The following PCSK5 variants were observed in gnomAD, a reference collection of about 807,000 sequenced individuals.
PCSK5 encodes prohormone convertase 5.
In PCSK5, 129 loss-of-function variants were observed where a neutral mutation model predicts 233.2. That is an observed-to-expected ratio of 0.55 (90% CI 0.48 to 0.64). The LOEUF (loss-of-function observed/expected upper bound fraction) is 0.64, where lower values mean the gene tolerates loss of function less well. Among genes scored for constraint, PCSK5 ranks in the 30% least tolerant of loss-of-function variants. The pLI is 0.00. For synonymous variants in PCSK5, 825 were observed against 879.2 expected (o/e 0.94, Z 1.09); for missense variants, 2,076 against 2,430.1 (o/e 0.85, Z 3.06).
At chr9:75,908,907 CTA>C (rs1446527147) in intron 1 of PCSK5, among the ~76,000 whole-genome samples, 38 of 131,420 alleles carry the variant, frequency 2.9e-4, no homozygotes, top group Non-Finnish European at 4.0e-4. Flanking sequence ...ATCTATCTAT[CTA>C]TCTATCTATC....
chr9:76,191,962 C>T (rs984116307), intron 20 of PCSK5, among the ~76,000 whole-genome samples: 2 of 150,262 alleles, frequency 1.3e-5, no homozygotes, highest in South Asian at 4.2e-4. Flanking sequence ...ACCTGTAATC[C>T]CAGCTACTTG....
intron 10 of PCSK5, among the ~76,000 whole-genome samples, chr9:76,155,246 CT>C (rs1437513682): frequency 6.6e-6 from 1 of 152,106 alleles, no homozygotes; most frequent in African/African-American, 2.4e-5. Flanking sequence ...GCTCAGTGAA[CT>C]TAATAATGTA....
intron 5 of PCSK5, among the ~76,000 whole-genome samples, chr9:76,046,723 G>A (rs936091882): frequency 6.0e-5 from 9 of 150,508 alleles, no homozygotes; most frequent in Non-Finnish European, 1.3e-4. Flanking sequence ...ACTACTCCCG[G>A]CCAATTTTTT....
intron 3 of PCSK5, among the ~76,000 whole-genome samples, chr9:75,994,975 G>T (rs534412258): frequency 6.6e-6 from 1 of 152,064 alleles, no homozygotes; most frequent in Non-Finnish European, 1.5e-5. Flanking sequence ...TTTCTACTTC[G>T]CTTTCTGCTT....
At chr9:75,986,885 T>TCTA (rs1211133970) in intron 3 of PCSK5, among the ~76,000 whole-genome samples, 1 of 152,194 alleles carries the variant, frequency 6.6e-6, no homozygotes, top group Non-Finnish European at 1.5e-5. Context: ...AACATACATC[T>TCTA]CTAATCTCTT....
At chr9:76,017,600 T>C (rs1392366525) in intron 3 of PCSK5, among the ~76,000 whole-genome samples, 1 of 152,194 alleles carries the variant, frequency 6.6e-6, no homozygotes, top group Non-Finnish European at 1.5e-5. Context: ...CCCAATTCCC[T>C]TTAGCTCACC....
At chr9:76,283,865 C>G (rs926826373) in intron 24 of PCSK5, among the ~76,000 whole-genome samples, 2 of 152,176 alleles carry the variant, frequency 1.3e-5, no homozygotes, top group Non-Finnish European at 2.9e-5. Flanking sequence ...CCCCAAAATG[C>G]TAGGTAAACA....
At chr9:76,285,967 C>T (rs1463025936) in intron 24 of PCSK5, among the ~76,000 whole-genome samples, 4 of 152,142 alleles carry the variant, frequency 2.6e-5, no homozygotes, top group African/African-American at 4.8e-5. Flanking sequence ...AAGAAAAGAT[C>T]TGGGCTGCGA....
intron 7 of PCSK5, among the ~76,000 whole-genome samples, chr9:76,087,551 T>A (rs1018967148): frequency 6.6e-6 from 1 of 152,208 alleles, no homozygotes; most frequent in African/African-American, 2.4e-5. Flanking sequence ...AGCTTATAAA[T>A]GGCACTTAAA....
chr9:75,907,761 A>C (rs1443364182), intron 1 of PCSK5, among the ~76,000 whole-genome samples: 1 of 152,240 alleles, frequency 6.6e-6, no homozygotes, highest in African/African-American at 2.4e-5. Context: ...AGAACAGCAC[A>C]GAGTTCCCTA....
intron 7 of PCSK5, among the ~76,000 whole-genome samples, chr9:76,072,842 T>C (rs1427105057): frequency 6.6e-6 from 1 of 152,180 alleles, no homozygotes; most frequent in East Asian, 1.9e-4. Flanking sequence ...AAGGTTCACG[T>C]CTTCCCAGAA....
At chr9:76,122,209 A>C (rs1023326703) in intron 9 of PCSK5, among the ~76,000 whole-genome samples, 1 of 151,468 alleles carries the variant, frequency 6.6e-6, no homozygotes, top group Non-Finnish European at 1.5e-5. Flanking sequence ...CTGTTTTTCA[A>C]AGGTCCAGTT....
chr9:76,317,854 T>G (rs778555520), intron 30 of PCSK5, among the ~76,000 whole-genome samples: 1 of 152,196 alleles, frequency 6.6e-6, no homozygotes, highest in Admixed American at 6.6e-5. Context: ...TGTGAAGGCA[T>G]GGACCCAGTG....
Position 76,281,667 on chromosome 9 carries a change from G to A in PCSK5, c.3143-10566G>A, listed in dbSNP as rs193008287. On this transcript the variant is annotated intron_variant, in intron 24 of 37. Coordinates refer to ENST00000674117, the MANE Select transcript of PCSK5 (RefSeq NM_001372043.1). ...TTCAAATTTCAAGTATTATTATTTT[G>A]AAACAGGGTCCCACTCTGTCACCCA... is the stretch of plus-strand genomic sequence containing the variant. Among the ~76,000 whole-genome samples the A allele has an allele frequency of 2.0e-5, 3 of 152,214 alleles. No individual in the cohort carries two copies. In the East Asian group the frequency reaches 5.8e-4, roughly 29 times the overall value.
chr9:76,323,019 C>A (rs202115851), intron 31 of PCSK5, 33 bp from the exon 32 acceptor site: 3 of 1,219,322 alleles, frequency 2.5e-6, no homozygotes, highest in South Asian at 1.3e-5. Context: ...TCCTACCCCC[C>A]GGGGATAACT....
intron 5 of PCSK5, among the ~76,000 whole-genome samples, chr9:76,036,183 T>C (rs1828853270): frequency 6.6e-6 from 1 of 152,184 alleles, no homozygotes; most frequent in South Asian, 2.1e-4. Flanking sequence ...AGGTTATAAT[T>C]TTTGTATTCT....
chr9:75,928,158 A>G (rs995353062), intron 1 of PCSK5, among the ~76,000 whole-genome samples: 1 of 152,182 alleles, frequency 6.6e-6, no homozygotes, highest in Non-Finnish European at 1.5e-5. Flanking sequence ...CTAAGAGGGA[A>G]GAAATTATTC....
rs377106017 is a variant in PCSK5, at chr9:76,020,186, G to A, written c.412-3552G>A. 1.8e-4 allele frequency among the ~76,000 whole-genome samples: 28 copies of A among 152,252 alleles called. No individual in the cohort carries two copies. The East Asian group carries it at 2.7e-3, about 15-fold the overall frequency. On this transcript the variant is annotated intron_variant, in intron 3 of 37. Coordinates refer to ENST00000674117, the MANE Select transcript of PCSK5 (RefSeq NM_001372043.1). ...GGGAATCATGGCTAATATGTGTTCC[G>A]TTTGCCTCTGGGTGCTGCTGTAACA...
At chr9:76,341,275 T>G (rs1829828504) in intron 35 of PCSK5, among the ~76,000 whole-genome samples, 1 of 152,116 alleles carries the variant, frequency 6.6e-6, no homozygotes, top group Admixed American at 6.6e-5. Context: ...TCCATTTTTA[T>G]TTTAGATCTT....
Sources: allele counts gnomAD v4.1 joint callset (sites outside exome capture counted in the v4.1 genomes callset), GRCh38; gene constraint gnomAD v4.1.1; transcripts MANE v1.5; gene names NCBI Gene and HGNC (gene_info 2026-07-23, HGNC 2026-07-21).